Variants in FABP12 observed in about 807,000 individuals in gnomAD.
FABP12 encodes fatty acid-binding protein 12.
In FABP12, 19 loss-of-function variants were observed where a neutral mutation model predicts 13.7. The ratio of observed to expected loss-of-function variants is 1.39; its 90% CI spans 0.97 to 2.04. The LOEUF (loss-of-function observed/expected upper bound fraction) is 2.04, where lower values mean the gene tolerates loss of function less well. Among genes scored for constraint, FABP12 ranks in the 30% most tolerant of loss-of-function variants. FABP12 has a pLI of 0.00. For synonymous variants in FABP12, 61 were observed against 57.0 expected (o/e 1.07, Z -0.32); for missense variants, 182 against 164.2 (o/e 1.11, Z -0.59).
intron 1 of FABP12, among the ~76,000 whole-genome samples, chr8:81,567,999 T>G (rs1809859794): frequency 6.6e-6 from 1 of 152,118 alleles, no homozygotes; most frequent in Non-Finnish European, 1.5e-5. Context: ...GGCGGGCTCC[T>G]GTAGTCCCAG....
exon 2 of FABP12, chr8:81,531,326 A>G (rs1381785824): frequency 1.3e-6 from 2 of 1,587,600 alleles, no homozygotes; most frequent in East Asian, 2.2e-5. Context: ...TCTGTCTGAG[A>G]TAAGTTGATC....
At chr8:81,546,521 G>C (rs1334103676) in intron 1 of FABP12, among the ~76,000 whole-genome samples, 2 of 151,794 alleles carry the variant, frequency 1.3e-5, no homozygotes, top group Admixed American at 6.6e-5. Context: ...AAAGTAGCTG[G>C]GTGTGGTGGC....
At chr8:81,584,930 G>T (rs1207366369) in intron 1 of FABP12, among the ~76,000 whole-genome samples, 1 of 152,036 alleles carries the variant, frequency 6.6e-6, no homozygotes, top group Non-Finnish European at 1.5e-5. Flanking sequence ...ATACCTGTTG[G>T]CCATTTGTTT....
intron 1 of FABP12, among the ~76,000 whole-genome samples, chr8:81,562,264 G>A (rs531919911): frequency 6.6e-6 from 1 of 152,330 alleles, no homozygotes; most frequent in East Asian, 1.9e-4. Context: ...ATAATCAGCA[G>A]TGGTACCCCG....
At chr8:81,542,332 T>C (rs1010927760) in intron 1 of FABP12, among the ~76,000 whole-genome samples, 1 of 152,128 alleles carries the variant, frequency 6.6e-6, no homozygotes, top group Admixed American at 6.6e-5. Context: ...GGGTTCTTGC[T>C]TTATATAGGG....
intron 1 of FABP12, among the ~76,000 whole-genome samples, chr8:81,586,302 A>G (rs1171598136): frequency 6.6e-6 from 1 of 152,202 alleles, no homozygotes; most frequent in Non-Finnish European, 1.5e-5. Context: ...TGTGATGAAC[A>G]TACGCATGCA....
intron 1 of FABP12, among the ~76,000 whole-genome samples, chr8:81,576,241 C>T (rs1266321682): frequency 5.3e-5 from 8 of 152,052 alleles, no homozygotes; most frequent in Non-Finnish European, 1.0e-4. Flanking sequence ...TTCAATGCCA[C>T]ATTTATGAGA....
chr8:81,575,055 T>C (rs773755172), intron 1 of FABP12, among the ~76,000 whole-genome samples: 2 of 152,152 alleles, frequency 1.3e-5, no homozygotes, highest in Non-Finnish European at 2.9e-5. Context: ...GAATGTCAGT[T>C]TGTGCACTTT....
Position 81,580,184 on chromosome 8 carries a change from C to T in FABP12, c.-185+9869G>A, listed in dbSNP as rs116767589. Among the ~76,000 whole-genome samples the T allele has an allele frequency of 7.4e-3, 1,123 of 152,296 alleles. 8 individuals are homozygous for T. The highest frequency in any genetic ancestry group is 0.025 in the African/African-American group (1,027 of 41,560). On this transcript the variant is annotated intron_variant, in intron 1 of 5. Coordinates refer to the FABP12 transcript ENST00000692030. ...AGGCCACCTTTTAAACATATCTTTC[C>T]AAGTCCCTAGTGATACTAAAGTTAG...
At chr8:81,587,016 G>A (rs2130114646) in intron 1 of FABP12, among the ~76,000 whole-genome samples, 2 of 152,194 alleles carry the variant, frequency 1.3e-5, no homozygotes, top group South Asian at 4.1e-4. Context: ...CATATGGCTG[G>A]CCAGTTATCC....
chr8:81,559,935 A>C (rs1206675555), intron 1 of FABP12, among the ~76,000 whole-genome samples: 4 of 152,234 alleles, frequency 2.6e-5, no homozygotes. Flanking sequence ...CATTCTTTGT[A>C]GGAATGCAAT....
chr8:81,570,221 G>A (rs1585855528), intron 1 of FABP12, among the ~76,000 whole-genome samples: 1 of 152,214 alleles, frequency 6.6e-6, no homozygotes, highest in African/African-American at 2.4e-5. Flanking sequence ...AGCCCTGGCT[G>A]AGGGAGCTCC....
At chr8:81,567,186 A>T (rs188319718) in intron 1 of FABP12, among the ~76,000 whole-genome samples, 6 of 152,342 alleles carry the variant, frequency 3.9e-5, no homozygotes, top group African/African-American at 1.4e-4. Context: ...TTCCATGTTC[A>T]TGGATTGGAA....
intron 1 of FABP12, among the ~76,000 whole-genome samples, chr8:81,556,573 T>G (rs558287193): frequency 1.0e-3 from 152 of 148,908 alleles, no homozygotes; most frequent in African/African-American, 3.7e-3. Flanking sequence ...AAAAGGCTTT[T>G]TTTGTCATCA....
chr8:81,529,752 G>A lies in FABP12; in HGVS notation c.74-142C>T, dbSNP rs188041250. ...ATTCTTTGCTAACTAGGAGGTTTGCGAATTGAACAGATTTAATGGTGCATG... is the reference window on the plus strand; with the variant it reads ...ATTCTTTGCTAACTAGGAGGTTTGCAAATTGAACAGATTTAATGGTGCATG... On this transcript the variant is annotated intron_variant, in intron 2 of 4. Coordinates refer to ENST00000360464, the Ensembl canonical transcript of FABP12. 924 of 737,528 alleles carry A rather than the reference G, an allele frequency of 1.3e-3. 4 individuals carry two copies. The highest frequency in any genetic ancestry group is 2.4e-3 in the African/African-American group (133 of 56,282). 45.7% of individuals were successfully genotyped at this position (737,528 alleles called of 1,614,324 possible). A position where few individuals can be genotyped will look rare whatever the true frequency, so the allele number is the denominator to read the frequency against.
chr8:81,562,360 G>T (rs1209760721), intron 1 of FABP12, among the ~76,000 whole-genome samples: 1 of 152,144 alleles, frequency 6.6e-6, no homozygotes, highest in African/African-American at 2.4e-5. Flanking sequence ...GGGTGGCTGT[G>T]GGGAGGGACC....
chr8:81,574,651 A>G lies in FABP12; in HGVS notation c.-185+15402T>C, dbSNP rs377445490. ...TGCTCGTTATTGTTCTGTTCAGGGT[A>G]TCTAAGTCTTCCTGATTTAAGCTAG... On this transcript the variant is annotated intron_variant, in intron 1 of 5. Transcript: ENST00000692030. Among the ~76,000 whole-genome samples, 4 of 152,144 alleles carry G rather than the reference A, an allele frequency of 2.6e-5. No individual in the cohort carries two copies. In the South Asian group the frequency reaches 6.2e-4, roughly 24 times the overall value.
upstream of FABP12, among the ~76,000 whole-genome samples, chr8:81,534,887 G>A (rs929760472): frequency 2.0e-5 from 3 of 151,386 alleles, no homozygotes; most frequent in South Asian, 2.1e-4. Flanking sequence ...GCAGTGAGCC[G>A]AGATCACACC....
intron 1 of FABP12, chr8:81,533,086 C>T (rs1038233911): frequency 6.6e-6 from 1 of 152,166 alleles, no homozygotes; most frequent in African/African-American, 2.4e-5. Context: ...AGATCACCTC[C>T]TTGAAGATGT....
Sources: allele counts gnomAD v4.1 joint callset (sites outside exome capture counted in the v4.1 genomes callset), GRCh38; gene constraint gnomAD v4.1.1; transcripts MANE v1.5; gene names NCBI Gene and HGNC (gene_info 2026-07-23, HGNC 2026-07-21).